SAP130: variants seen among roughly 807,000 people sequenced by gnomAD.
The protein encoded by SAP130 is Sin3A associated protein 130.
A neutral mutation model predicts 103.2 loss-of-function variants in SAP130; 16 were observed. The observed-to-expected ratio is 0.16, with a 90% CI of 0.10 to 0.24. The LOEUF (loss-of-function observed/expected upper bound fraction) is 0.24. Among genes scored for constraint, SAP130 ranks in the 10% least tolerant of loss-of-function variants. The pLI is 1.00. For synonymous variants in SAP130, 477 were observed against 497.0 expected (o/e 0.96, Z 0.53); for missense variants, 990 against 1,359.7 (o/e 0.73, Z 4.28).
chr2:127,961,517 CTTTTT>C (rs10709267), intron 15 of SAP130, among the ~76,000 whole-genome samples: 4 of 129,374 alleles, frequency 3.1e-5, no homozygotes, highest in African/African-American at 8.5e-5. Context: ...TCATACCTTG[CTTTTT>C]TTTTTTTTTT....
intron 2 of SAP130, among the ~76,000 whole-genome samples, chr2:128,024,632 G>A (rs1685375367): frequency 6.6e-6 from 1 of 151,922 alleles, no homozygotes; most frequent in African/African-American, 2.4e-5. Context: ...AGGCCAAGGA[G>A]GGTGGATCAC....
Position 128,013,011 on chromosome 2 carries a change from A to ACC in SAP130, c.744+17_744+18dup. 6.3e-7 allele frequency: 1 copy of ACC among 1,596,532 alleles called. No individual in the cohort carries two copies. Among genetic ancestry groups the ACC allele is most frequent in the Non-Finnish European group, 8.5e-7 (1 of 1,171,104 alleles). On this transcript the variant is annotated intron_variant, in intron 6 of 20. Transcript: ENST00000643581. ...ATAACTCCAATGAGGCCCTTAATGC[A>ACC]CCCCAGGCTCCGACGTGCCTGGATT...
chr2:127,954,994 G>T lies in SAP130; in HGVS notation c.2414C>A (p.Pro805Gln), dbSNP rs748449287. Residue 805 changes from proline to glutamine, a missense_variant, in exon 16 of 21, where the codon CCA becomes CAA. Around this residue, in one of 6 missense-constraint regions of SAP130, gnomAD observed 349 missense variants for 384.1 expected, o/e 0.91. Transcript: ENST00000643581. ...EEVEPMDIMR[P>Q]VSAVPPLATN... is the part of the protein sequence containing the mutation. ...TCTATGGACGGACTTACCAGAAACT[G>T]GCCTCATGATATCCATTGGTTCTAC... The T allele has an allele frequency of 3.1e-6, 5 of 1,604,840 alleles. No homozygotes were observed. In the East Asian group the frequency reaches 8.9e-5, roughly 29 times the overall value.
At chr2:127,980,491 A>G (rs911411023) in intron 14 of SAP130, among the ~76,000 whole-genome samples, 2 of 152,146 alleles carry the variant, frequency 1.3e-5, no homozygotes, top group Non-Finnish European at 2.9e-5. Context: ...AGCACACCCT[A>G]TGACATAGCA....
chr2:128,026,386 A>G, intron 1 of SAP130, 88 bp from the exon 2 acceptor site: 1 of 890,960 alleles, frequency 1.1e-6, no homozygotes. Context: ...TACCTATGAG[A>G]TAGTCCCTTG....
At position 128,018,483 on chromosome 2, in the gene SAP130, C is replaced by CAAAAAAAAAAAAAAAAAAAAAAAA. The variant is rs759445928; in HGVS notation, c.113-569_113-568insTTTTTTTTTTTTTTTTTTTTTTTT. The stretch of plus-strand genomic sequence containing the variant: ...CTGGGCGAGAGAGGAAGATTGTCTC[C>CAAAAAAAAAAAAAAAAAAAAAAAA]AAAAAAAAAAAAAAAAAAAAAAAGG... On this transcript the variant is annotated intron_variant, in intron 2 of 20. Transcript: ENST00000643581. Among the ~76,000 whole-genome samples the CAAAAAAAAAAAAAAAAAAAAAAAA allele has an allele frequency of 7.2e-5, 5 of 69,474 alleles. 1 individual carries two copies. Among genetic ancestry groups the CAAAAAAAAAAAAAAAAAAAAAAAA allele is most frequent in the African/African-American group, 3.3e-4 (5 of 15,296 alleles). The allele number at this position is 69,474 out of a possible 152,430, so 45.6% of individuals were successfully genotyped here.
intron 11 of SAP130, among the ~76,000 whole-genome samples, chr2:127,995,664 G>C (rs1683130523): frequency 1.3e-5 from 2 of 152,134 alleles, no homozygotes; most frequent in African/African-American, 4.8e-5. Context: ...TACAACTATT[G>C]AATGAATGTT....
In SAP130 at chr2:127,942,541, C is replaced by T; in HGVS notation, c.2902-4G>A. On this transcript the variant is annotated splice_region_variant and splice_polypyrimidine_tract_variant and intron_variant, in intron 19 of 20. Transcript: ENST00000643581. This position sits in a 1 kb window ranked among gnomAD's most constrained non-coding sequence, Gnocchi z 4.8. ...AGACATCATGTTCTAGATTCGTCTG[C>T]AACACACAAAAGGGAGGGTATCATA... 6.4e-7 allele frequency: 1 copy of T among 1,552,448 alleles called. No homozygotes were observed. The highest frequency in any genetic ancestry group is 8.9e-7 in the Non-Finnish European group (1 of 1,123,956).
intron 16 of SAP130, among the ~76,000 whole-genome samples, chr2:127,951,012 C>A (rs1203984783): frequency 6.6e-6 from 1 of 152,208 alleles, no homozygotes; most frequent in African/African-American, 2.4e-5. Flanking sequence ...ACTTTTTAAA[C>A]ATAAATGCCT....
intron 1 of SAP130, chr2:128,027,280 T>C (rs1213673359): frequency 8.6e-7 from 1 of 1,159,876 alleles, no homozygotes; most frequent in Admixed American, 4.7e-5. Flanking sequence ...GCCGCCGCTG[T>C]GCTCGCAGTC....
chr2:127,951,561 A>G (rs1679495827), intron 16 of SAP130, among the ~76,000 whole-genome samples: 1 of 152,068 alleles, frequency 6.6e-6, no homozygotes, highest in African/African-American at 2.4e-5. Context: ...GCAGTCACTC[A>G]TCCCTCTCAT....
At position 127,942,252 on chromosome 2, in the gene SAP130, G is replaced by A; in HGVS notation, c.3016-88C>T. ...CTGCTTGCCTTTGGGCAGAGGCCAT[G>A]TTGAGGCTTCCACAACAGAGAAAAT... On this transcript the variant is annotated intron_variant, in intron 20 of 20. Coordinates refer to ENST00000643581, the MANE Select transcript of SAP130 (RefSeq NM_001330301.2). This position sits in a 1 kb window ranked among gnomAD's most constrained non-coding sequence, Gnocchi z 4.8. 4 of 1,317,360 alleles carry A rather than the reference G, an allele frequency of 3.0e-6. No individual in the cohort carries two copies. The highest frequency in any genetic ancestry group is 4.2e-6 in the Non-Finnish European group (4 of 948,836). The allele number at this position is 1,317,360 out of a possible 1,614,324, so 81.6% of individuals were successfully genotyped here.
rs1029411735 is a variant in SAP130 at position 127,989,947 on chromosome 2, G to A, written c.1478-81C>T. ...ACATAAAGAGAGAAACACTAAAAAC[G>A]GATTTCCTCCACTGTATAAGATCTA... On this transcript the variant is annotated intron_variant, in intron 12 of 20. Coordinates refer to ENST00000643581, the MANE Select transcript of SAP130 (RefSeq NM_001330301.2). The surrounding 1 kb of genome is among the most constrained non-coding windows in gnomAD (Gnocchi z 4.6). 4.6e-6 allele frequency: 6 copies of A among 1,296,584 alleles called. No homozygotes were observed. Among genetic ancestry groups the A allele is most frequent in the Admixed American group, 2.4e-5 (1 of 41,900 alleles). 80.3% of individuals were successfully genotyped at this position (1,296,584 alleles called of 1,614,324 possible).
intron 13 of SAP130, among the ~76,000 whole-genome samples, chr2:127,988,377 T>C (rs894758627): frequency 2.6e-5 from 4 of 151,214 alleles, no homozygotes; most frequent in African/African-American, 7.3e-5. Context: ...TGAGCCATGA[T>C]TGTACCACTG....
At chr2:128,019,163 C>A (rs143016992) in intron 2 of SAP130, among the ~76,000 whole-genome samples, 8 of 151,996 alleles carry the variant, frequency 5.3e-5, no homozygotes, top group African/African-American at 1.9e-4. Context: ...TATAATTTTT[C>A]AAAACTGAGG....
chr2:127,991,118 C>T (rs372396164), intron 12 of SAP130, among the ~76,000 whole-genome samples: 2 of 151,846 alleles, frequency 1.3e-5, no homozygotes. Flanking sequence ...GGTGTGCTGG[C>T]GCATACCTAT....
At chr2:128,006,012 G>A (rs1461779771) in intron 7 of SAP130, among the ~76,000 whole-genome samples, 1 of 151,772 alleles carries the variant, frequency 6.6e-6, no homozygotes, top group Non-Finnish European at 1.5e-5. Context: ...CAAAATAAAT[G>A]CTATGAAATT....
Position 127,999,337 on chromosome 2 carries a change from T to C in SAP130, c.1213+404A>G, listed in dbSNP as rs1683384392. Among the ~76,000 whole-genome samples the C allele has an allele frequency of 3.3e-5, 5 of 151,928 alleles. No individual in the cohort carries two copies. The South Asian group carries it at 1.0e-3, about 32-fold the overall frequency. ...CAAAAACTGCCTTATCTCAGCTGAG[T>C]GCGGTGGCTCATGCCTGTAATCCCA... On this transcript the variant is annotated intron_variant, in intron 10 of 20. Coordinates refer to ENST00000643581, the MANE Select transcript of SAP130 (RefSeq NM_001330301.2).
intron 7 of SAP130, among the ~76,000 whole-genome samples, chr2:128,003,608 C>T (rs1683731287): frequency 6.6e-6 from 1 of 151,094 alleles, no homozygotes; most frequent in African/African-American, 2.4e-5. Context: ...CAAATGACAA[C>T]AAAAAAAATC....
Sources: gnomAD v4.1 joint callset for allele counts (sites outside exome capture counted in the v4.1 genomes callset) on GRCh38, gnomAD v4.1.1 for gene constraint, gnomAD v4.1.1 regional missense constraint, Gnocchi (gnomAD v3.1) non-coding constraint, MANE v1.5 for transcripts, NCBI Gene and HGNC (gene_info 2026-07-23, HGNC 2026-07-21) for gene names.